GYG2: variants seen among roughly 807,000 people sequenced by gnomAD.
The protein encoded by GYG2 is glycogenin 2, also known as glycogenin-2.
A neutral mutation model predicts 29.4 loss-of-function variants in GYG2; 29 were observed. The ratio of observed to expected loss-of-function variants is 0.99; its 90% CI spans 0.74 to 1.35. The LOEUF (loss-of-function observed/expected upper bound fraction) is 1.35, where lower values mean the gene tolerates loss of function less well. Among genes scored for constraint, GYG2 ranks in the 40% most tolerant of loss-of-function variants. GYG2 has a pLI of 0.00. For missense variants in GYG2, 370 were observed against 385.7 expected, an observed-to-expected ratio of 0.96 and a Z score of 0.34; for synonymous variants, 167 against 172.3, an observed-to-expected ratio of 0.97 and a Z score of 0.24.
intron 8 of GYG2, among the ~76,000 whole-genome samples, chrX:2,869,040 T>C (rs1241955942): frequency 9.3e-6 from 1 of 107,786 alleles, no homozygotes; most frequent in African/African-American, 3.4e-5. Flanking sequence ...AGAGGGATGC[T>C]GTCCATACGG....
intron 10 of GYG2, 88 bp from the exon 11 acceptor site, chrX:2,880,964 C>T: frequency 1.2e-6 from 1 of 807,174 alleles, no homozygotes; most frequent in Non-Finnish European, 1.8e-6. Context: ...CATCTTTCTG[C>T]GGGACCCTAC....
At chrX:2,864,629 T>TAAGA (rs1240125803) in intron 8 of GYG2, among the ~76,000 whole-genome samples, 1 of 111,801 alleles carries the variant, frequency 8.9e-6, no homozygotes, top group East Asian at 2.8e-4. Context: ...GGTTGCGTAA[T>TAAGA]TTTAATCTTA....
chrX:2,881,420 G>A lies in GYG2; in HGVS notation c.*207G>A. 1 of 362,440 alleles carries A rather than the reference G, an allele frequency of 2.8e-6. No homozygotes were observed. Among genetic ancestry groups the A allele is most frequent in the Non-Finnish European group, 4.7e-6 (1 of 213,369 alleles). 29.9% of individuals were successfully genotyped at this position (362,440 alleles called of 1,213,427 possible). On this transcript the variant is annotated 3_prime_UTR_variant, in exon 11 of 11. Transcript: ENST00000398806. ...CCCTCGCCCCAACTTCTCCACCAAC[G>A]CCTTCTGGGCTTTCTTCAGAGGTCA...
At chrX:2,850,752 C>A (rs1358184070) in intron 3 of GYG2, among the ~76,000 whole-genome samples, 2 of 110,807 alleles carry the variant, frequency 1.8e-5, no homozygotes, top group Admixed American at 9.7e-5. Flanking sequence ...CTCCTGCCCA[C>A]CAGAGAACAA....
In GYG2 at chrX:2,849,426, G is replaced by A. The variant is rs201296013; in HGVS notation, c.150-4554G>A. Among the ~76,000 whole-genome samples the A allele has an allele frequency of 1.1e-4, 12 of 111,840 alleles. No individual in the cohort carries two copies. In the East Asian group the frequency reaches 3.4e-3, roughly 31 times the overall value. On this transcript the variant is annotated intron_variant, in intron 3 of 10. Coordinates refer to ENST00000398806, the MANE Select transcript of GYG2 (RefSeq NM_001079855.2). ...AAAAGGTCCGAGAGCTTCAATATCT[G>A]TCAAATAGGAGAGAAAGAAAAAGAA...
chrX:2,842,814 TGA>T (rs1351819107), intron 2 of GYG2, among the ~76,000 whole-genome samples: 1 of 80,452 alleles, frequency 1.2e-5, no homozygotes, highest in Non-Finnish European at 2.7e-5. Flanking sequence ...CTGCAAGTCG[TGA>T]TTTTTTTTTT....
rs762736297 is a variant in GYG2 at position 2,856,496 on chromosome X, A to G, written c.488-2A>G. On this transcript the variant is annotated splice_acceptor_variant, in intron 5 of 10. Coordinates refer to ENST00000398806, the MANE Select transcript of GYG2 (RefSeq NM_001079855.2). LOFTEE classifies it high-confidence loss of function. The stretch of plus-strand genomic sequence containing the variant: ...CTGCTTTTGTGTTTGCTCATTATGT[A>G]GGGGCAGACCAAGGCTTACTGAATA... 1.7e-6 allele frequency: 2 copies of G among 1,209,119 alleles called. No homozygotes were observed. Among genetic ancestry groups the G allele is most frequent in the East Asian group, 3.0e-5 (1 of 33,745 alleles).
chrX:2,870,592 C>A (rs771713709), intron 8 of GYG2, among the ~76,000 whole-genome samples: 2 of 112,125 alleles, frequency 1.8e-5, no homozygotes, highest in Admixed American at 1.9e-4. Flanking sequence ...CCCCATACTT[C>A]AGTCTACTGA....
At chrX:2,867,833 G>A (rs978996018) in intron 8 of GYG2, among the ~76,000 whole-genome samples, 23 of 112,277 alleles carry the variant, frequency 2.0e-4, no homozygotes, top group Admixed American at 2.8e-4. Flanking sequence ...AGTGGCTCAC[G>A]TCTGTAATCC....
In GYG2 at chrX:2,881,241, G is replaced by A. The variant is rs2088715808; in HGVS notation, c.*28G>A. ...CGGCAGCTGGTGGGCGTTGTGTGTA[G>A]TTAGACAATGTCCTGTTGGGTGGTC... On this transcript the variant is annotated 3_prime_UTR_variant, in exon 11 of 11. Coordinates refer to ENST00000398806, the MANE Select transcript of GYG2 (RefSeq NM_001079855.2). The A allele has an allele frequency of 8.9e-7, 1 of 1,120,723 alleles. No homozygotes were observed. Among genetic ancestry groups the A allele is most frequent in the African/African-American group, 1.8e-5 (1 of 55,327 alleles). The allele number at this position is 1,120,723 out of a possible 1,213,427, so 92.4% of individuals were successfully genotyped here. A position where few individuals can be genotyped will look rare whatever the true frequency, so the allele number is the denominator to read the frequency against.
In GYG2 at chrX:2,847,258, A is replaced by C. The variant is rs150866774; in HGVS notation, c.149+3904A>C. ...ATAAGGCAACTCTAGCCCTGTAGTAAAGAAATAAATAGTGCTTACACTAAG... is the reference window on the plus strand; with the variant it reads ...ATAAGGCAACTCTAGCCCTGTAGTACAGAAATAAATAGTGCTTACACTAAG... On this transcript the variant is annotated intron_variant, in intron 3 of 10. Coordinates refer to ENST00000398806, the MANE Select transcript of GYG2 (RefSeq NM_001079855.2). Among the ~76,000 whole-genome samples, 511 of 111,826 alleles carry C rather than the reference A, an allele frequency of 4.6e-3. 2 individuals are homozygous for C. The highest frequency in any genetic ancestry group is 0.015 in the African/African-American group (477 of 30,816).
rs1442439526 is a variant in GYG2, at chrX:2,844,671, TATACGCACACGCATGC to T, written c.149+1318_149+1333del. ...ATACGCACACGCATGCGTATATGTG[TATACGCACACGCATGC>T]GTATATGTGTATACGCACACGCATG... On this transcript the variant is annotated intron_variant, in intron 3 of 10. Transcript: ENST00000398806. 7.6e-5 allele frequency among the ~76,000 whole-genome samples: 4 copies of T among 52,820 alleles called. 1 individual carries two copies. Among genetic ancestry groups the T allele is most frequent in the Non-Finnish European group, 1.3e-4 (4 of 31,923 alleles). The allele number at this position is 52,820 out of a possible 115,157, so 45.9% of individuals were successfully genotyped here.
At chrX:2,846,376 C>T (rs1451968705) in intron 3 of GYG2, among the ~76,000 whole-genome samples, 3 of 107,902 alleles carry the variant, frequency 2.8e-5, no homozygotes, top group Non-Finnish European at 5.7e-5. Context: ...TGCCCAGCCC[C>T]AAATATTTTT....
At chrX:2,841,637 C>A (rs2087503539) in intron 2 of GYG2, among the ~76,000 whole-genome samples, 1 of 111,562 alleles carries the variant, frequency 9.0e-6, no homozygotes, top group Admixed American at 9.6e-5. Context: ...TGGAATTTAC[C>A]CCATTGGAAT....
At chrX:2,856,709 T>G (rs1170173235) in intron 6 of GYG2, 85 bp downstream of exon 6, 2 of 778,554 alleles carry the variant, frequency 2.6e-6, no homozygotes, top group Non-Finnish European at 3.7e-6. Context: ...GCTGTCGGCA[T>G]ATTTAAAAAC....
At chrX:2,876,280 A>G (rs2088598471) in intron 9 of GYG2, among the ~76,000 whole-genome samples, 1 of 110,715 alleles carries the variant, frequency 9.0e-6, no homozygotes, top group Non-Finnish European at 1.9e-5. Context: ...AACTTTTGAT[A>G]GGACTTGCAC....
intron 8 of GYG2, among the ~76,000 whole-genome samples, chrX:2,870,125 T>C (rs1455555342): frequency 1.8e-5 from 2 of 110,770 alleles, no homozygotes; most frequent in African/African-American, 6.6e-5. Context: ...AGCTATCAAG[T>C]TTTTTTACTC....
In GYG2 at chrX:2,856,725, C is replaced by T. The variant is rs2087995016; in HGVS notation, c.614+101C>T. Reference sequence around the variant, plus strand: ...CTGTCGGCATATTTAAAAACTCTATCTATCTATCTATCATCTATCTATCTA... The same window carrying T: ...CTGTCGGCATATTTAAAAACTCTATTTATCTATCTATCATCTATCTATCTA... On this transcript the variant is annotated intron_variant, in intron 6 of 10. Coordinates refer to ENST00000398806, the MANE Select transcript of GYG2 (RefSeq NM_001079855.2). 16 of 550,664 alleles carry T rather than the reference C, an allele frequency of 2.9e-5. 1 individual carries two copies. In the East Asian group the frequency reaches 5.5e-4, roughly 19 times the overall value. The allele number at this position is 550,664 out of a possible 1,213,427, so 45.4% of individuals were successfully genotyped here.
At chrX:2,850,848 G>A (rs765131150) in intron 3 of GYG2, among the ~76,000 whole-genome samples, 355 of 109,848 alleles carry the variant, frequency 3.2e-3, no homozygotes, top group Non-Finnish European at 3.7e-3. Context: ...CTCTCTTTTC[G>A]GACTCAGCCC....
Sources: gnomAD v4.1 joint callset for allele counts (sites outside exome capture counted in the v4.1 genomes callset) on GRCh38, gnomAD v4.1.1 for gene constraint, MANE v1.5 for transcripts, NCBI Gene and HGNC (gene_info 2026-07-23, HGNC 2026-07-21) for gene names.